TNR: variants seen among roughly 807,000 people sequenced by gnomAD.
TNR encodes the protein tenascin R.
Under a neutral mutation model 150.4 loss-of-function variants are expected in TNR, and 45 were observed. The ratio of observed to expected loss-of-function variants is 0.30; its 90% CI spans 0.24 to 0.38. The LOEUF is 0.38. Among genes scored for constraint, TNR ranks in the 10% least tolerant of loss-of-function variants. The pLI is 1.00. For missense variants in TNR, 1,544 were observed against 1,759.1 expected, an observed-to-expected ratio of 0.88 and a Z score of 2.19; for synonymous variants, 687 against 678.4, an observed-to-expected ratio of 1.01 and a Z score of -0.20.
intron 1 of TNR, among the ~76,000 whole-genome samples, chr1:175,546,944 C>A (rs1660713789): frequency 6.6e-6 from 1 of 152,174 alleles, no homozygotes; most frequent in African/African-American, 2.4e-5. Context: ...AGGCCAGTAA[C>A]AATGGGCACT....
At chr1:175,419,152 G>A (rs1203932801) in intron 2 of TNR, among the ~76,000 whole-genome samples, 1 of 152,084 alleles carries the variant, frequency 6.6e-6, no homozygotes, top group Non-Finnish European at 1.5e-5. Flanking sequence ...TTGACAAAAT[G>A]CATTTTGCTC....
chr1:175,460,104 G>A (rs1037700561), intron 2 of TNR, among the ~76,000 whole-genome samples: 1 of 152,140 alleles, frequency 6.6e-6, no homozygotes, highest in Admixed American at 6.5e-5. Flanking sequence ...TGTCAGAAAG[G>A]TTAATCTGGT....
rs1030976666 is a variant in TNR, at chr1:175,321,535, G to C, written c.*1822C>G. 1 of 152,570 alleles carries C rather than the reference G, an allele frequency of 6.6e-6. No individual in the cohort carries two copies. Among genetic ancestry groups the C allele is most frequent in the African/African-American group, 2.4e-5 (1 of 41,442 alleles). The allele number at this position is 152,570 out of a possible 1,614,324, so 9.5% of individuals were successfully genotyped here. ...GTGCTGGGCCTTGAGGAATGGGAGA[G>C]GAAAGGGAGAAGACAGCTCAGGGAA... On this transcript the variant is annotated 3_prime_UTR_variant, in exon 23 of 23. Coordinates refer to ENST00000367674, the MANE Select transcript of TNR (RefSeq NM_003285.3).
At chr1:175,459,665 G>A (rs933302115) in intron 2 of TNR, among the ~76,000 whole-genome samples, 99 of 152,170 alleles carry the variant, frequency 6.5e-4, no homozygotes, top group African/African-American at 2.3e-3. Flanking sequence ...TCCAGGAGGT[G>A]GGGTGGCAGC....
chr1:175,575,692 T>A (rs922176760), intron 1 of TNR, among the ~76,000 whole-genome samples: 2 of 152,152 alleles, frequency 1.3e-5, no homozygotes, highest in African/African-American at 4.8e-5. Flanking sequence ...CTAGATTGAA[T>A]GTAACCAGGT....
chr1:175,741,237 T>A (rs1667921238), intron 1 of TNR, among the ~76,000 whole-genome samples: 1 of 152,228 alleles, frequency 6.6e-6, no homozygotes, highest in South Asian at 2.1e-4. Context: ...GGCTAGAAGT[T>A]CTATTTCTGC....
At chr1:175,400,767 C>T (rs142331300) in intron 4 of TNR, among the ~76,000 whole-genome samples, 1 of 152,168 alleles carries the variant, frequency 6.6e-6, no homozygotes, top group East Asian at 1.9e-4. Context: ...ATGGGAACAT[C>T]GTGCTGTGGT....
intron 2 of TNR, among the ~76,000 whole-genome samples, chr1:175,435,441 T>C (rs1655460419): frequency 6.6e-6 from 1 of 152,230 alleles, no homozygotes; most frequent in Admixed American, 6.5e-5. Context: ...GGATCAGGTT[T>C]AGAACACGGA....
At chr1:175,516,191 T>C (rs990972370) in intron 2 of TNR, among the ~76,000 whole-genome samples, 6 of 152,340 alleles carry the variant, frequency 3.9e-5, no homozygotes, top group South Asian at 4.1e-4. Context: ...AATTACCTAA[T>C]AGCACCTGCC....
intron 6 of TNR, among the ~76,000 whole-genome samples, chr1:175,393,415 G>A (rs1310645795): frequency 6.6e-6 from 1 of 152,140 alleles, no homozygotes; most frequent in East Asian, 1.9e-4. Context: ...ATTCAGCCTG[G>A]CTTTTCTTAT....
At chr1:175,661,758 C>T (rs532966956) in intron 1 of TNR, among the ~76,000 whole-genome samples, 1 of 151,476 alleles carries the variant, frequency 6.6e-6, no homozygotes, top group African/African-American at 2.4e-5. Flanking sequence ...TCTTTATTTC[C>T]TCCCCCTCTA....
chr1:175,493,154 C>T (rs1658333615), intron 2 of TNR, among the ~76,000 whole-genome samples: 1 of 152,038 alleles, frequency 6.6e-6, no homozygotes, highest in Admixed American at 6.6e-5. Flanking sequence ...GGCAATCTCT[C>T]CAAGATGCTC....
At chr1:175,524,851 T>C (rs1260667275) in intron 2 of TNR, among the ~76,000 whole-genome samples, 1 of 152,188 alleles carries the variant, frequency 6.6e-6, no homozygotes, top group Non-Finnish European at 1.5e-5. Flanking sequence ...TTAGATAATA[T>C]GGTCTTAATG....
intron 1 of TNR, among the ~76,000 whole-genome samples, chr1:175,596,022 T>C (rs1571655595): frequency 6.6e-6 from 1 of 152,230 alleles, no homozygotes; most frequent in East Asian, 1.9e-4. Flanking sequence ...ATTCTAAGAC[T>C]CTATTGGTCT....
chr1:175,604,962 C>T (rs1464126055), intron 1 of TNR, among the ~76,000 whole-genome samples: 1 of 152,132 alleles, frequency 6.6e-6, no homozygotes, highest in Non-Finnish European at 1.5e-5. Flanking sequence ...AAATGGAACA[C>T]CCAAAGAAGC....
intron 2 of TNR, among the ~76,000 whole-genome samples, chr1:175,518,593 T>C (rs1659505842): frequency 3.3e-5 from 5 of 152,220 alleles, no homozygotes; most frequent in Admixed American, 2.6e-4. Flanking sequence ...GTTGTCATGA[T>C]GAATGCTCTG....
intron 4 of TNR, among the ~76,000 whole-genome samples, chr1:175,399,396 C>CA (rs986632971): frequency 3.3e-5 from 5 of 151,184 alleles, no homozygotes; most frequent in East Asian, 1.9e-4. Flanking sequence ...GATTTTAAAG[C>CA]AAAAAAAAGA....
intron 1 of TNR, among the ~76,000 whole-genome samples, chr1:175,646,726 A>G (rs1664820410): frequency 6.6e-6 from 1 of 152,206 alleles, no homozygotes; most frequent in African/African-American, 2.4e-5. Context: ...CAATCAGTCA[A>G]TGGACTAGTC....
chr1:175,362,807 C>T lies in TNR; in HGVS notation c.2710G>A (p.Gly904Arg). ...YRVSYRPTQV[G>R]RLDSSVVPNT... is the part of the protein sequence containing the mutation. Reference sequence around the variant, plus strand: ...GGCACCACTGAGCTGTCTAGTCGTCCCACTGGAGAAGAGAAGAATCTACAG... The same window carrying T: ...GGCACCACTGAGCTGTCTAGTCGTCTCACTGGAGAAGAGAAGAATCTACAG... Residue 904 changes from glycine (G) to arginine (R), a missense_variant and splice_region_variant, in exon 14 of 23, where the codon GGA becomes AGA. Around this residue, in one of 2 missense-constraint regions of TNR, gnomAD observed 1,254 missense variants for 1,329.4 expected, o/e 0.94. Coordinates refer to ENST00000367674, the MANE Select transcript of TNR (RefSeq NM_003285.3). 1 of 1,613,958 alleles carries T rather than the reference C, an allele frequency of 6.2e-7. No homozygotes were observed. The highest frequency in any genetic ancestry group is 8.5e-7 in the Non-Finnish European group (1 of 1,179,906).
Sources: gnomAD v4.1 joint callset for allele counts (sites outside exome capture counted in the v4.1 genomes callset) on GRCh38, gnomAD v4.1.1 for gene constraint, gnomAD v4.1.1 regional missense constraint, MANE v1.5 for transcripts, NCBI Gene and HGNC (gene_info 2026-07-23, HGNC 2026-07-21) for gene names.